The following PTPRT variants were observed in gnomAD, a reference collection of about 807,000 sequenced individuals.
PTPRT encodes receptor-type tyrosine-protein phosphatase T.
PTPRT carries 56 observed loss-of-function variants against 176.8 expected under a neutral mutation model. The ratio of observed to expected loss-of-function variants is 0.32; its 90% CI spans 0.26 to 0.40. The LOEUF (loss-of-function observed/expected upper bound fraction) is 0.40, where lower values mean the gene tolerates loss of function less well. Among genes scored for constraint, PTPRT ranks in the 10% least tolerant of loss-of-function variants. PTPRT has a pLI of 1.00. For synonymous variants in PTPRT, 783 were observed against 739.0 expected (o/e 1.06, Z -0.96); for missense variants, 1,540 against 1,908.2 (o/e 0.81, Z 3.60).
At chr20:42,299,641 C>CTTTTT (rs34045854) in intron 12 of PTPRT, among the ~76,000 whole-genome samples, 6,222 of 85,822 alleles carry the variant, frequency 0.072, 280 homozygotes, top group African/African-American at 0.099. Flanking sequence ...GAACTTTTGC[C>CTTTTT]TTTTTTTTTT....
At chr20:42,140,909 T>G (rs979070878) in intron 18 of PTPRT, among the ~76,000 whole-genome samples, 39 of 152,304 alleles carry the variant, frequency 2.6e-4, no homozygotes, top group African/African-American at 8.9e-4. Context: ...CTTTAAATGC[T>G]CCTCCTATTA....
rs143327021 is a variant in PTPRT, at chr20:43,017,873, G to A, written c.89-131941C>T. Among the ~76,000 whole-genome samples the A allele has an allele frequency of 3.9e-5, 6 of 152,352 alleles. No individual in the cohort carries two copies. The East Asian group carries it at 1.2e-3, about 29-fold the overall frequency. ...CTGAGGCAGTGCGCAGAGCAAGCCT[G>A]CTGGCAGGAGCTGGAGGTGCTGCAG... On this transcript the variant is annotated intron_variant, in intron 1 of 30. Transcript: ENST00000373187.
chr20:42,715,382 C>G (rs541763091), intron 6 of PTPRT, among the ~76,000 whole-genome samples: 2 of 152,092 alleles, frequency 1.3e-5, no homozygotes, highest in South Asian at 2.1e-4. Context: ...AAAATAGATA[C>G]TATAAATATT....
chr20:42,047,296 A>AACCTTGTTTAGCAAATAGGCT, the PTPRT span, among the ~76,000 whole-genome samples: 1 of 152,168 alleles, frequency 6.6e-6, no homozygotes, highest in Admixed American at 6.5e-5. Flanking sequence ...GCAAATAGGA[A>AACCTTGTTTAGCAAATAGGCT]ACCTTGTTTA....
intron 2 of PTPRT, among the ~76,000 whole-genome samples, chr20:42,856,735 T>C (rs1275356753): frequency 6.6e-6 from 1 of 152,128 alleles, no homozygotes; most frequent in East Asian, 1.9e-4. Context: ...GACCCTCATC[T>C]AGTCATCGTC....
chr20:42,606,921 T>C (rs1229231639), intron 7 of PTPRT: 1 of 152,168 alleles, frequency 6.6e-6, no homozygotes, highest in Non-Finnish European at 1.5e-5. Flanking sequence ...TAAATTTTCA[T>C]CACAGCTAAA....
intron 7 of PTPRT, among the ~76,000 whole-genome samples, chr20:42,648,076 G>A (rs934059427): frequency 6.8e-6 from 1 of 147,478 alleles, no homozygotes; most frequent in African/African-American, 2.5e-5. Flanking sequence ...CTGATCCTCT[G>A]GGGAAACGGC....
intron 11 of PTPRT, among the ~76,000 whole-genome samples, chr20:42,337,424 G>C (rs1435364893): frequency 2.0e-5 from 3 of 152,188 alleles, no homozygotes; most frequent in African/African-American, 7.2e-5. Flanking sequence ...TCTCTACTGA[G>C]AACAGGGGAT....
Position 42,678,116 on chromosome 20 carries a change from C to A in PTPRT, c.903G>T (p.Gly301=), listed in dbSNP as rs2075539858. The A allele has an allele frequency of 1.9e-6, 3 of 1,614,068 alleles. No homozygotes were observed. Among genetic ancestry groups the A allele is most frequent in the Non-Finnish European group, 2.5e-6 (3 of 1,179,968 alleles). ...TTGGCTTGATCCACAGGTATGTGGCCCCCACAGCCAGCAGCTCTGGGGGAG... is the reference window on the plus strand; with the variant it reads ...TTGGCTTGATCCACAGGTATGTGGCACCCACAGCCAGCAGCTCTGGGGGAG... ...PIAPPELLAV[G]ATYLWIKPNA... The change falls in exon 7 of 31, where the codon GGG becomes GGT. Residue 301 remains glycine, a synonymous_variant. Coordinates refer to ENST00000373187, the MANE Select transcript of PTPRT (RefSeq NM_007050.6).
At chr20:42,552,894 T>C (rs1298193837) in intron 7 of PTPRT, among the ~76,000 whole-genome samples, 1 of 152,168 alleles carries the variant, frequency 6.6e-6, no homozygotes, top group Non-Finnish European at 1.5e-5. Context: ...AGATTTTTGA[T>C]ATATGATGTT....
rs532510601 is a variant in PTPRT at position 42,857,058 on chromosome 20, T to C, written c.214+28749A>G. On this transcript the variant is annotated intron_variant, in intron 2 of 30. Transcript: ENST00000373187. ...CACATAGTCACTTGATGTTTAAATT[T>C]TGAGAAATTGCCAACTGTTTTCCAC... Among the ~76,000 whole-genome samples the C allele has an allele frequency of 1.9e-4, 29 of 152,304 alleles. 1 individual carries two copies. Among genetic ancestry groups the C allele is most frequent in the African/African-American group, 6.7e-4 (28 of 41,576 alleles).
At chr20:43,039,548 A>G (rs1986522127) in intron 1 of PTPRT, among the ~76,000 whole-genome samples, 1 of 152,070 alleles carries the variant, frequency 6.6e-6, no homozygotes, top group Admixed American at 6.5e-5. Context: ...TGATGCCATG[A>G]AGATGAAAAA....
At chr20:42,529,401 G>T (rs6124469) in intron 7 of PTPRT, among the ~76,000 whole-genome samples, 1 of 152,192 alleles carries the variant, frequency 6.6e-6, no homozygotes, top group Non-Finnish European at 1.5e-5. Context: ...GATATGGATG[G>T]AAGAATGGGA....
intron 7 of PTPRT, among the ~76,000 whole-genome samples, chr20:42,581,546 AG>A (rs2073372554): frequency 7.1e-6 from 1 of 141,068 alleles, no homozygotes; most frequent in African/African-American, 2.7e-5. Flanking sequence ...AAAAAAAAAA[AG>A]GCTTAAACTC....
intron 7 of PTPRT, among the ~76,000 whole-genome samples, chr20:42,496,267 C>A (rs998934165): frequency 6.6e-6 from 1 of 151,962 alleles, no homozygotes; most frequent in African/African-American, 2.4e-5. Flanking sequence ...GCAGGCATAC[C>A]CCATGTAACT....
chr20:42,353,663 T>C (rs1440398374), intron 9 of PTPRT, among the ~76,000 whole-genome samples: 1 of 152,204 alleles, frequency 6.6e-6, no homozygotes, highest in African/African-American at 2.4e-5. Flanking sequence ...GTCCCACGGA[T>C]CACACTTTGA....
intron 7 of PTPRT, among the ~76,000 whole-genome samples, chr20:42,519,765 T>C (rs549938668): frequency 6.6e-6 from 1 of 152,274 alleles, no homozygotes; most frequent in Non-Finnish European, 1.5e-5. Flanking sequence ...TCTTTAATTT[T>C]TTAAAGATTT....
At chr20:42,236,868 C>T (rs938583129) in intron 14 of PTPRT, among the ~76,000 whole-genome samples, 1 of 152,040 alleles carries the variant, frequency 6.6e-6, no homozygotes, top group Non-Finnish European at 1.5e-5. Flanking sequence ...GACTGCCCTC[C>T]CACAGAGTCA....
intron 1 of PTPRT, among the ~76,000 whole-genome samples, chr20:42,918,087 G>A (rs192296180): frequency 1.0e-3 from 159 of 152,174 alleles, no homozygotes; most frequent in African/African-American, 3.7e-3. Flanking sequence ...CTGAGTTCTT[G>A]TCTTCTTTCA....
Sources: gnomAD v4.1 joint callset for allele counts (sites outside exome capture counted in the v4.1 genomes callset) on GRCh38, gnomAD v4.1.1 for gene constraint, MANE v1.5 for transcripts, NCBI Gene and HGNC (gene_info 2026-07-23, HGNC 2026-07-21) for gene names.